Variants in ZEB2 observed in about 807,000 individuals in gnomAD.
ZEB2 encodes zinc finger E-box binding homeobox 2, also known as zinc finger E-box-binding homeobox 2.
Under a neutral mutation model 99.9 loss-of-function variants are expected in ZEB2, and 6 were observed. The ratio of observed to expected loss-of-function variants is 0.06; its 90% CI spans 0.03 to 0.12. The LOEUF is 0.12. Ranked by LOEUF, ZEB2 falls within the 10% of genes least tolerant of loss-of-function variation. The pLI is 1.00. For missense variants in ZEB2, 969 were observed against 1,502.8 expected (o/e 0.64, Z 5.87); for synonymous variants, 517 against 542.5 (o/e 0.95, Z 0.65).
intron 2 of ZEB2, chr2:144,464,278 C>A (rs1223459612): frequency 6.6e-6 from 1 of 152,080 alleles, no homozygotes; most frequent in African/African-American, 2.4e-5. Context: ...TTCTTGGCAT[C>A]CTCTCTCCCT....
At chr2:144,477,647 G>T (rs144380575) in intron 2 of ZEB2, among the ~76,000 whole-genome samples, 2 of 152,230 alleles carry the variant, frequency 1.3e-5, no homozygotes, top group Non-Finnish European at 2.9e-5. Flanking sequence ...CATTTCCATT[G>T]TAAGTATTCT....
At position 144,494,572 on chromosome 2, in the gene ZEB2, G is replaced by A. The variant is rs1194195199; in HGVS notation, c.73+22706C>T. On this transcript the variant is annotated intron_variant, in intron 2 of 9. Transcript: ENST00000627532. ...CCTTTAAGAAAGGTAGACAACGTAGGAATATGCAGCTGTAATTTTTTTTAA... is the reference window on the plus strand; with the variant it reads ...CCTTTAAGAAAGGTAGACAACGTAGAAATATGCAGCTGTAATTTTTTTTAA... 3.9e-5 allele frequency: 6 copies of A among 152,138 alleles called. No homozygotes were observed. In the East Asian group the frequency reaches 5.8e-4, roughly 15 times the overall value. The allele number at this position is 152,138 out of a possible 1,614,324, so 9.4% of individuals were successfully genotyped here.
chr2:144,389,109 C>T lies in ZEB2; in HGVS notation c.*342G>A. The stretch of plus-strand genomic sequence containing the variant: ...TTAAAATGTATTAATATAAATTAGA[C>T]ATAGTTTTTTAAAGTTTGTAGTGAT... On this transcript the variant is annotated 3_prime_UTR_variant, in exon 10 of 10. Transcript: ENST00000627532. The surrounding 1 kb of genome is among the most constrained non-coding windows in gnomAD (Gnocchi z 6.8). 3.7e-6 allele frequency: 2 copies of T among 540,254 alleles called. No individual in the cohort carries two copies. The highest frequency in any genetic ancestry group is 6.5e-6 in the Non-Finnish European group (2 of 309,112). The allele number at this position is 540,254 out of a possible 1,614,324, so 33.5% of individuals were successfully genotyped here.
rs1264384348 is a variant in ZEB2 at position 144,386,147 on chromosome 2, C to T, written c.*3304G>A. 2 of 152,066 alleles carry T rather than the reference C, an allele frequency of 1.3e-5. No individual in the cohort carries two copies. Among genetic ancestry groups the T allele is most frequent in the Non-Finnish European group, 2.9e-5 (2 of 68,000 alleles). The allele number at this position is 152,066 out of a possible 1,614,324, so 9.4% of individuals were successfully genotyped here. Reference sequence around the variant, plus strand: ...TCCAGTGTTTCCTCATCCTCCCCTGCCCCCTATTCGAGGGGGGAAAGGTTA... The same window carrying T: ...TCCAGTGTTTCCTCATCCTCCCCTGTCCCCTATTCGAGGGGGGAAAGGTTA... On this transcript the variant is annotated 3_prime_UTR_variant, in exon 10 of 10. Coordinates refer to ENST00000627532, the MANE Select transcript of ZEB2 (RefSeq NM_014795.4).
chr2:144,452,328 G>T (rs551118306), intron 2 of ZEB2, among the ~76,000 whole-genome samples: 1 of 152,174 alleles, frequency 6.6e-6, no homozygotes, highest in African/African-American at 2.4e-5. Flanking sequence ...CTGAAGTAAG[G>T]GGGGAAGCTC....
chr2:144,441,576 T>C (rs914516191), intron 2 of ZEB2, among the ~76,000 whole-genome samples: 7 of 151,458 alleles, frequency 4.6e-5, no homozygotes, highest in African/African-American at 1.7e-4. Flanking sequence ...AAATTTTCAC[T>C]TTCTGAGGTG....
In ZEB2 at chr2:144,421,001, G is replaced by A. The variant is rs144414730; in HGVS notation, c.403+3795C>T. ...AGATGTGGGCTGACTAAATAGAGGAGGACATGAGGGACAGAGAACAGTCAA... is the reference window on the plus strand; with the variant it reads ...AGATGTGGGCTGACTAAATAGAGGAAGACATGAGGGACAGAGAACAGTCAA... On this transcript the variant is annotated intron_variant, in intron 4 of 9. Transcript: ENST00000627532. 1.5e-3 allele frequency among the ~76,000 whole-genome samples: 224 copies of A among 152,248 alleles called. 1 individual carries two copies. The highest frequency in any genetic ancestry group is 2.4e-3 in the Non-Finnish European group (165 of 68,014).
intron 2 of ZEB2, chr2:144,511,520 C>G (rs1050885130): frequency 1.6e-6 from 2 of 1,281,368 alleles, no homozygotes; most frequent in Non-Finnish European, 2.0e-6. Flanking sequence ...TTCCATGGAG[C>G]CTACTGATTA....
intron 2 of ZEB2, among the ~76,000 whole-genome samples, chr2:144,474,682 C>G (rs1295406306): frequency 6.6e-6 from 1 of 152,108 alleles, no homozygotes; most frequent in Non-Finnish European, 1.5e-5. Flanking sequence ...ATTGTCTGAG[C>G]CTGAGGACTC....
chr2:144,471,140 G>C (rs1040924747), intron 2 of ZEB2, among the ~76,000 whole-genome samples: 2 of 152,144 alleles, frequency 1.3e-5, no homozygotes, highest in African/African-American at 4.8e-5. Context: ...TGATATAAGT[G>C]ATTAAAATCC....
intron 2 of ZEB2, among the ~76,000 whole-genome samples, chr2:144,475,437 T>C (rs1324823583): frequency 6.6e-6 from 1 of 152,178 alleles, no homozygotes; most frequent in East Asian, 1.9e-4. Flanking sequence ...CTATTACACA[T>C]GGAAGAAATT....
intron 2 of ZEB2, among the ~76,000 whole-genome samples, chr2:144,501,288 A>G (rs1704865511): frequency 1.3e-5 from 2 of 152,160 alleles, no homozygotes; most frequent in Admixed American, 6.5e-5. Flanking sequence ...CAATCATCCA[A>G]TGAGTCATTC....
chr2:144,466,465 G>C lies in ZEB2; in HGVS notation c.74-36439C>G, dbSNP rs1393763449. 1.3e-5 allele frequency among the ~76,000 whole-genome samples: 2 copies of C among 152,124 alleles called. 1 individual carries two copies. The highest frequency in any genetic ancestry group is 6.3e-3 in the Middle Eastern group (2 of 316). On this transcript the variant is annotated intron_variant, in intron 2 of 9. Coordinates refer to ENST00000627532, the MANE Select transcript of ZEB2 (RefSeq NM_014795.4). ...TACTCAACAACATATAGGGAATATA[G>C]AGTGAATTCCAAAATGCAACTATAT...
chr2:144,519,915 A>C (rs999889574), intron 1 of ZEB2, 24 bp downstream of exon 1: 24 of 442,134 alleles, frequency 5.4e-5, no homozygotes, highest in Non-Finnish European at 9.9e-5. Flanking sequence ...AAAAAGAGAG[A>C]AAAGGGGAGG....
chr2:144,512,306 A>C, intron 2 of ZEB2: 1 of 1,287,258 alleles, frequency 7.8e-7, no homozygotes, highest in Non-Finnish European at 1.0e-6. Context: ...CCTTGGAAGA[A>C]TGCAGATGAC....
At position 144,450,792 on chromosome 2, in the gene ZEB2, C is replaced by T. The variant is rs1022965415; in HGVS notation, c.74-20766G>A. Among the ~76,000 whole-genome samples, 4 of 152,314 alleles carry T rather than the reference C, an allele frequency of 2.6e-5. No individual in the cohort carries two copies. In the East Asian group the frequency reaches 7.7e-4, roughly 29 times the overall value. ...CCGGGTTCAAGCAATTCTCCTGCCT[C>T]AGCTTCCCGAGTAGCTGGGATTACA... is the stretch of plus-strand genomic sequence containing the variant. On this transcript the variant is annotated intron_variant, in intron 2 of 9. Transcript: ENST00000627532.
intron 2 of ZEB2, among the ~76,000 whole-genome samples, 173 bp from the exon 3 acceptor site, chr2:144,430,199 A>G (rs753262304): frequency 2.6e-5 from 4 of 152,192 alleles, no homozygotes; most frequent in Admixed American, 6.6e-5. Flanking sequence ...TTCTTTTTCA[A>G]TTATAGCTGG....
chr2:144,517,566 G>GCCCCCCA (rs1705179802), intron 1 of ZEB2, 147 bp from the exon 2 acceptor site: 3 of 444,984 alleles, frequency 6.7e-6, no homozygotes, highest in African/African-American at 4.8e-5. Flanking sequence ...CCCCCTCCCC[G>GCCCCCCA]CCCCCCACCC....
At chr2:144,511,309 TTTC>T in intron 2 of ZEB2, 10 of 987,790 alleles carry the variant, frequency 1.0e-5, no homozygotes, top group Non-Finnish European at 1.3e-5. Flanking sequence ...ATGGATGGCT[TTTC>T]TTCTTACCTC....
Sources: allele counts gnomAD v4.1 joint callset (sites outside exome capture counted in the v4.1 genomes callset), GRCh38; gene constraint gnomAD v4.1.1; non-coding constraint Gnocchi (gnomAD v3.1); transcripts MANE v1.5; gene names NCBI Gene and HGNC (gene_info 2026-07-23, HGNC 2026-07-21).